The following DAP variants were observed in gnomAD, a reference collection of about 807,000 sequenced individuals.
DAP encodes the protein death-associated protein 1.
A neutral mutation model predicts 13.8 loss-of-function variants in DAP; 8 were observed. The ratio of observed to expected loss-of-function variants is 0.58; its 90% CI spans 0.34 to 1.05. The LOEUF (loss-of-function observed/expected upper bound fraction) is 1.05, where lower values mean the gene tolerates loss of function less well. DAP is among the 50% of genes least tolerant of loss of function. DAP has a pLI of 0.03. For missense variants in DAP, 106 were observed against 133.2 expected (o/e 0.80, Z 1.01); for synonymous variants, 47 against 47.5 (o/e 0.99, Z 0.04).
At chr5:10,706,355 C>T (rs1738699484) in intron 2 of DAP, among the ~76,000 whole-genome samples, 1 of 152,126 alleles carries the variant, frequency 6.6e-6, no homozygotes, top group African/African-American at 2.4e-5. Flanking sequence ...TTAATAATCA[C>T]AGTTTACAGA....
At chr5:10,733,761 T>G (rs1011815535) in intron 2 of DAP, 5 of 152,220 alleles carry the variant, frequency 3.3e-5, no homozygotes, top group Admixed American at 6.5e-5. Flanking sequence ...TTTCACCAAC[T>G]GGAAAATAAG....
At chr5:10,714,063 G>A (rs974221997) in intron 2 of DAP, among the ~76,000 whole-genome samples, 1 of 152,242 alleles carries the variant, frequency 6.6e-6, no homozygotes, top group African/African-American at 2.4e-5. Flanking sequence ...CACACCTTTG[G>A]AAAGTTGTCT....
At chr5:10,750,149 G>A (rs578003898) in intron 1 of DAP, among the ~76,000 whole-genome samples, 11 of 152,236 alleles carry the variant, frequency 7.2e-5, no homozygotes, top group Non-Finnish European at 1.3e-4. Context: ...CTAACATCAC[G>A]ATACAGTCAA....
In DAP at chr5:10,707,748, T is replaced by G. The variant is rs1236113590; in HGVS notation, c.153-24177A>C. ...GTGTGTGGGTGGTATGGCACACAGG[T>G]GGCGTGGCATAGGAATCATGTGATG... On this transcript the variant is annotated intron_variant, in intron 2 of 3. Transcript: ENST00000230895. The surrounding 1 kb of genome is among the most constrained non-coding windows in gnomAD (Gnocchi z 4.0). Among the ~76,000 whole-genome samples, 1 of 152,088 alleles carries G rather than the reference T, an allele frequency of 6.6e-6. No individual in the cohort carries two copies. Among genetic ancestry groups the G allele is most frequent in the African/African-American group, 2.4e-5 (1 of 41,388 alleles).
intron 2 of DAP, among the ~76,000 whole-genome samples, chr5:10,717,405 C>T (rs1219379471): frequency 1.3e-5 from 2 of 152,218 alleles, no homozygotes; most frequent in Non-Finnish European, 2.9e-5. Context: ...GAATGGGACC[C>T]TGCAACTTGG....
In DAP at chr5:10,717,890, C is replaced by T. The variant is rs529885082; in HGVS notation, c.152+30285G>A. On this transcript the variant is annotated intron_variant, in intron 2 of 3. Transcript: ENST00000230895. ...TGCATTCCTACTTAATTTATACAAG[C>T]GGAAAGCTTCTAGGTGAAATGGATA... is the stretch of plus-strand genomic sequence containing the variant. Among the ~76,000 whole-genome samples the T allele has an allele frequency of 3.3e-4, 50 of 152,148 alleles. No homozygotes were observed. The South Asian group carries it at 5.8e-3, about 18-fold the overall frequency.
chr5:10,744,741 C>T (rs16885280), intron 2 of DAP, among the ~76,000 whole-genome samples: 3 of 152,210 alleles, frequency 2.0e-5, no homozygotes, highest in African/African-American at 7.2e-5. Context: ...CACAGTAATA[C>T]CAACTTATAG....
chr5:10,718,645 C>T (rs1381463000), intron 2 of DAP, among the ~76,000 whole-genome samples: 1 of 152,220 alleles, frequency 6.6e-6, no homozygotes. Context: ...TTATCATAAG[C>T]TTAACCTAGT....
chr5:10,756,230 G>T (rs1291290612), intron 1 of DAP, among the ~76,000 whole-genome samples: 1 of 140,352 alleles, frequency 7.1e-6, no homozygotes, highest in Non-Finnish European at 1.5e-5. Flanking sequence ...TAACTAAAGG[G>T]TCTTGTTTTC....
At chr5:10,740,275 GA>G (rs1345789590) in intron 2 of DAP, among the ~76,000 whole-genome samples, 1 of 152,170 alleles carries the variant, frequency 6.6e-6, no homozygotes, top group Non-Finnish European at 1.5e-5. Flanking sequence ...GCAGAGAGGA[GA>G]AAAACAGAGC....
chr5:10,715,726 A>G (rs866017494), intron 2 of DAP, among the ~76,000 whole-genome samples: 6 of 152,158 alleles, frequency 3.9e-5, no homozygotes, highest in Admixed American at 1.3e-4. Flanking sequence ...GATGCCACGG[A>G]GAGAAAGGGC....
At chr5:10,704,683 G>A (rs1579795347) in intron 2 of DAP, among the ~76,000 whole-genome samples, 1 of 152,036 alleles carries the variant, frequency 6.6e-6, no homozygotes, top group East Asian at 1.9e-4. Flanking sequence ...ATTGTATCTT[G>A]GTCTTTTCTG....
intron 2 of DAP, among the ~76,000 whole-genome samples, chr5:10,690,549 T>C (rs1738282988): frequency 1.3e-5 from 2 of 152,236 alleles, no homozygotes; most frequent in South Asian, 2.1e-4. Flanking sequence ...AGTGGAATCA[T>C]ACAGTACTTG....
intron 2 of DAP, among the ~76,000 whole-genome samples, chr5:10,725,126 G>A (rs955260328): frequency 2.6e-5 from 4 of 152,162 alleles, no homozygotes; most frequent in Non-Finnish European, 5.9e-5. Context: ...TTTGTTTTGG[G>A]CCCATTTGGC....
At chr5:10,756,242 T>G (rs1394376343) in intron 1 of DAP, among the ~76,000 whole-genome samples, 1 of 140,718 alleles carries the variant, frequency 7.1e-6, no homozygotes, top group Non-Finnish European at 1.5e-5. Flanking sequence ...CTTGTTTTCC[T>G]TGGCATGTTG....
intron 1 of DAP, among the ~76,000 whole-genome samples, chr5:10,759,234 AT>A (rs1470840232): frequency 6.6e-6 from 1 of 152,228 alleles, no homozygotes; most frequent in Non-Finnish European, 1.5e-5. Flanking sequence ...ATGCAATTTA[AT>A]TACTGTACTT....
intron 2 of DAP, among the ~76,000 whole-genome samples, chr5:10,735,363 T>C (rs1739581582): frequency 6.6e-6 from 1 of 152,158 alleles, no homozygotes; most frequent in Non-Finnish European, 1.5e-5. Context: ...GGAAGCCCAT[T>C]AGAAATTTAG....
intron 2 of DAP, among the ~76,000 whole-genome samples, chr5:10,711,192 G>A (rs1738842441): frequency 6.6e-6 from 1 of 152,208 alleles, no homozygotes; most frequent in Admixed American, 6.5e-5. Flanking sequence ...ACACAGCAAG[G>A]GGAAGGTAGG....
At chr5:10,702,745 T>C (rs1738612553) in intron 2 of DAP, among the ~76,000 whole-genome samples, 1 of 152,252 alleles carries the variant, frequency 6.6e-6, no homozygotes, top group African/African-American at 2.4e-5. Flanking sequence ...ACCTTCTTTA[T>C]GGCAACTCCT....
Sources: allele counts gnomAD v4.1 joint callset (sites outside exome capture counted in the v4.1 genomes callset), GRCh38; gene constraint gnomAD v4.1.1; non-coding constraint Gnocchi (gnomAD v3.1); transcripts MANE v1.5; gene names NCBI Gene and HGNC (gene_info 2026-07-23, HGNC 2026-07-21).